ATAD3C: variants seen among roughly 807,000 people sequenced by gnomAD.
ATAD3C encodes the protein ATPase family AAA domain-containing protein 3C.
A neutral mutation model predicts 46.3 loss-of-function variants in ATAD3C; 38 were observed. The observed-to-expected ratio is 0.82, with a 90% CI of 0.63 to 1.08. The LOEUF is 1.08. ATAD3C is among the 50% of genes least tolerant of loss of function. ATAD3C has a pLI of 0.00. For synonymous variants in ATAD3C, 220 were observed against 236.4 expected, an observed-to-expected ratio of 0.93 and a Z score of 0.63; for missense variants, 563 against 572.7, an observed-to-expected ratio of 0.98 and a Z score of 0.17.
intron 8 of ATAD3C, among the ~76,000 whole-genome samples, chr1:1,458,018 C>G (rs1638996312): frequency 6.6e-6 from 1 of 151,400 alleles, no homozygotes; most frequent in African/African-American, 2.4e-5. Flanking sequence ...TCACTCTATC[C>G]CTTAAGCTGG....
chr1:1,460,916 C>A lies in ATAD3C; in HGVS notation c.979C>A (p.Arg327=), dbSNP rs202189170. 7 of 1,604,114 alleles carry A rather than the reference C, an allele frequency of 4.4e-6. No individual in the cohort carries two copies. In the East Asian group the frequency reaches 1.1e-4, roughly 26 times the overall value. The stretch of plus-strand genomic sequence containing the variant: ...TCTTAAGCCGGCCACAGAAGGAAAG[C>A]GGTAAGTGTCCCGCCCCACCAGCCC... The part of the protein sequence containing the change: ...YVLKPATEGK[R]RLKLAQFDYG... Residue 327 remains arginine, a splice_region_variant and synonymous_variant, in exon 10 of 12, where the codon CGG becomes AGG. Coordinates refer to ENST00000378785, the MANE Select transcript of ATAD3C (RefSeq NM_001039211.3).
At chr1:1,455,350 C>T in intron 4 of ATAD3C, 110 bp from the exon 5 acceptor site, 1 of 1,473,176 alleles carries the variant, frequency 6.8e-7, no homozygotes, top group Non-Finnish European at 9.2e-7. Context: ...CCGGTCCTGG[C>T]TGTGATTCGG....
intron 11 of ATAD3C, among the ~76,000 whole-genome samples, chr1:1,464,618 A>C (rs2100490477): frequency 6.6e-6 from 1 of 151,768 alleles, no homozygotes; most frequent in East Asian, 1.9e-4. Flanking sequence ...TAAAAATACG[A>C]AACTTAGCTG....
At chr1:1,466,844 T>G (rs1414155691) in intron 11 of ATAD3C, among the ~76,000 whole-genome samples, 1 of 151,984 alleles carries the variant, frequency 6.6e-6, no homozygotes, top group Non-Finnish European at 1.5e-5. Context: ...TTGTGGTGTC[T>G]TTGGCTTTGA....
Position 1,460,734 on chromosome 1 carries a change from C to T in ATAD3C, c.813-16C>T. 1 of 1,591,992 alleles carries T rather than the reference C, an allele frequency of 6.3e-7. No homozygotes were observed. The highest frequency in any genetic ancestry group is 8.6e-7 in the Non-Finnish European group (1 of 1,168,318). On this transcript the variant is annotated splice_polypyrimidine_tract_variant and intron_variant, in intron 9 of 11. Coordinates refer to ENST00000378785, the MANE Select transcript of ATAD3C (RefSeq NM_001039211.3). ...CCGGCAGCCCCAGCGTTTCCTTCCCCATCCCCGCCCCGCAGATTCATGCTG... is the reference window on the plus strand; with the variant it reads ...CCGGCAGCCCCAGCGTTTCCTTCCCTATCCCCGCCCCGCAGATTCATGCTG...
At position 1,450,524 on chromosome 1, in the gene ATAD3C, C is replaced by T; in HGVS notation, c.-160C>T. 1.1e-6 allele frequency: 1 copy of T among 907,428 alleles called. No individual in the cohort carries two copies. Among genetic ancestry groups the T allele is most frequent in the Non-Finnish European group, 1.7e-6 (1 of 582,220 alleles). 56.2% of individuals were successfully genotyped at this position (907,428 alleles called of 1,614,324 possible). ...GTGCTGGGGATGGGGCATCGTCACGCCAGGTCTGACTAGGAAGGAGGATGG... is the reference window on the plus strand; with the variant it reads ...GTGCTGGGGATGGGGCATCGTCACGTCAGGTCTGACTAGGAAGGAGGATGG... On this transcript the variant is annotated 5_prime_UTR_variant, in exon 1 of 12. Transcript: ENST00000378785.
chr1:1,462,398 A>G lies in ATAD3C; in HGVS notation c.981-202A>G, dbSNP rs934271008. Reference sequence around the variant, plus strand: ...GTTAGGAAGGGGTGCGGCCATCTCCAGGCCCCACAGCCGCCCCCTTCCTGC... The same window carrying G: ...GTTAGGAAGGGGTGCGGCCATCTCCGGGCCCCACAGCCGCCCCCTTCCTGC... On this transcript the variant is annotated intron_variant, in intron 10 of 11. Coordinates refer to ENST00000378785, the MANE Select transcript of ATAD3C (RefSeq NM_001039211.3). This position sits in a 1 kb window ranked among gnomAD's most constrained non-coding sequence, Gnocchi z 4.5. 1.9e-6 allele frequency: 1 copy of G among 537,204 alleles called. No individual in the cohort carries two copies. The highest frequency in any genetic ancestry group is 1.9e-5 in the African/African-American group (1 of 51,616). 33.3% of individuals were successfully genotyped at this position (537,204 alleles called of 1,614,324 possible).
In ATAD3C at chr1:1,460,650, C is replaced by T. The variant is rs111407646; in HGVS notation, c.813-100C>T. On this transcript the variant is annotated intron_variant, in intron 9 of 11. Transcript: ENST00000378785. The stretch of plus-strand genomic sequence containing the variant: ...TGCTCACAAGCTGCCACTTTAGATT[C>T]TCCCAGAAAGTCTTCCTGAGGGGGC... The T allele has an allele frequency of 1.4e-6, 2 of 1,422,356 alleles. 1 individual carries two copies. The highest frequency in any genetic ancestry group is 2.9e-5 in the African/African-American group (2 of 68,740). 88.1% of individuals were successfully genotyped at this position (1,422,356 alleles called of 1,614,324 possible). A position where few individuals can be genotyped will look rare whatever the true frequency, so the allele number is the denominator to read the frequency against.
At chr1:1,455,315 G>A (rs1216824104) in intron 4 of ATAD3C, 145 bp from the exon 5 acceptor site, 10 of 1,182,806 alleles carry the variant, frequency 8.5e-6, no homozygotes, top group South Asian at 1.5e-5. Context: ...CCAGTCTCCC[G>A]GCGGGGCGGG....
rs373927712 is a variant in ATAD3C at position 1,457,172 on chromosome 1, C to T, written c.733C>T (p.Arg245Ter). ...TGAAGCGGACGCCTTCCTTCGGAAG[C>T]GAGCCACTGTGAGTGTCACTAAGCC... The part of the protein sequence containing the change: ...VDEADAFLRK[R>*]ATEKISEDLR... The change falls in exon 8 of 12, where the codon CGA becomes TGA. Residue 245 changes from arginine to a stop codon, truncating the protein, a stop_gained. Transcript: ENST00000378785. LOFTEE classifies it high-confidence loss of function. The T allele has an allele frequency of 3.0e-5, 48 of 1,600,694 alleles. No homozygotes were observed. In the African/African-American group the frequency reaches 3.6e-4, roughly 12 times the overall value.
chr1:1,466,609 T>A (rs1489214992), intron 11 of ATAD3C, among the ~76,000 whole-genome samples: 2 of 151,868 alleles, frequency 1.3e-5, no homozygotes, highest in Non-Finnish European at 2.9e-5. Context: ...TCATGTGGTT[T>A]CCTTCCTCCA....
intron 8 of ATAD3C, 102 bp downstream of exon 8, chr1:1,457,282 C>G: frequency 1.3e-6 from 2 of 1,573,332 alleles, no homozygotes; most frequent in Non-Finnish European, 1.7e-6. Context: ...TTCTTTTTCT[C>G]TAAGTTTTGT....
At chr1:1,457,006 C>A in intron 7 of ATAD3C, 123 bp from the exon 8 acceptor site, 1 of 1,361,580 alleles carries the variant, frequency 7.3e-7, no homozygotes, top group Non-Finnish European at 1.0e-6. Flanking sequence ...CTTAGGGCTC[C>A]GTGGGGCAGA....
intron 9 of ATAD3C, 28 bp from the exon 10 acceptor site, chr1:1,460,722 C>A: frequency 1.9e-6 from 3 of 1,578,164 alleles, no homozygotes; most frequent in South Asian, 2.4e-5. Flanking sequence ...GCAGCCCCAG[C>A]GTTTCCTTCC....
Position 1,469,613 on chromosome 1 carries a change from C to G in ATAD3C, c.*1083C>G, listed in dbSNP as rs966677350. ...CTGGTCTCCAACTCCTGGGCTCAAGCAATCCTCCTGCCTCGGCTTCCTAAA... is the reference window on the plus strand; with the variant it reads ...CTGGTCTCCAACTCCTGGGCTCAAGGAATCCTCCTGCCTCGGCTTCCTAAA... On this transcript the variant is annotated 3_prime_UTR_variant, in exon 12 of 12. Coordinates refer to ENST00000378785, the MANE Select transcript of ATAD3C (RefSeq NM_001039211.3). 1.3e-5 allele frequency: 2 copies of G among 151,166 alleles called. No homozygotes were observed. The highest frequency in any genetic ancestry group is 2.9e-5 in the Non-Finnish European group (2 of 67,858). The allele number at this position is 151,166 out of a possible 1,614,324, so 9.4% of individuals were successfully genotyped here.
At chr1:1,451,787 A>T (rs1695859) in intron 1 of ATAD3C, among the ~76,000 whole-genome samples, 1 of 151,808 alleles carries the variant, frequency 6.6e-6, no homozygotes, top group East Asian at 1.9e-4. Context: ...GAGGTCGGCC[A>T]GCAGTGGCCC....
chr1:1,468,685 C>A lies in ATAD3C; in HGVS notation c.*155C>A, dbSNP rs1212098587. On this transcript the variant is annotated 3_prime_UTR_variant, in exon 12 of 12. Transcript: ENST00000378785. Reference sequence around the variant, plus strand: ...GGCTGACACGGGGCGGGGTTTGGGGCCCCCTAACGTCCCCCTGGGGTCAAA... The same window carrying A: ...GGCTGACACGGGGCGGGGTTTGGGGACCCCTAACGTCCCCCTGGGGTCAAA... 6 of 1,382,692 alleles carry A rather than the reference C, an allele frequency of 4.3e-6. No homozygotes were observed. Among genetic ancestry groups the A allele is most frequent in the East Asian group, 2.4e-5 (1 of 41,682 alleles). The allele number at this position is 1,382,692 out of a possible 1,614,324, so 85.7% of individuals were successfully genotyped here. A position where few individuals can be genotyped will look rare whatever the true frequency, so the allele number is the denominator to read the frequency against.
chr1:1,460,584 G>A (rs890812204), intron 9 of ATAD3C, among the ~76,000 whole-genome samples, 166 bp from the exon 10 acceptor site: 14 of 152,044 alleles, frequency 9.2e-5, no homozygotes, highest in African/African-American at 2.7e-4. Flanking sequence ...GCAGGCAGGC[G>A]GGTGACCATG....
rs1458031326 is a variant in ATAD3C, at chr1:1,460,701, C to CTGAGG, written c.813-49_813-48insTGAGG. ...TGAGGAGCACCTGTTCCCCTGGGGACAGCTCGGCCGGCAGCCCCAGCGTTT... is the reference window on the plus strand; with the variant it reads ...TGAGGAGCACCTGTTCCCCTGGGGACTGAGGAGCTCGGCCGGCAGCCCCAGCGTTT... On this transcript the variant is annotated intron_variant, in intron 9 of 11. Transcript: ENST00000378785. 4 of 1,542,430 alleles carry CTGAGG rather than the reference C, an allele frequency of 2.6e-6. No individual in the cohort carries two copies. The African/African-American group carries it at 5.5e-5, about 21-fold the overall frequency.
Sources: gnomAD v4.1 joint callset for allele counts (sites outside exome capture counted in the v4.1 genomes callset) on GRCh38, gnomAD v4.1.1 for gene constraint, Gnocchi (gnomAD v3.1) non-coding constraint, MANE v1.5 for transcripts, NCBI Gene and HGNC (gene_info 2026-07-23, HGNC 2026-07-21) for gene names.